The following ZNF268 variants were observed in gnomAD, a reference collection of about 807,000 sequenced individuals.
The protein encoded by ZNF268 is zinc finger protein 3.
A neutral mutation model predicts 29.3 loss-of-function variants in ZNF268; 20 were observed. The observed-to-expected ratio is 0.68, with a 90% CI of 0.48 to 0.99. ZNF268 has a LOEUF of 0.99. Among genes scored for constraint, ZNF268 ranks in the 50% least tolerant of loss-of-function variants. The probability of loss-of-function intolerance (pLI) is 0.00; values close to 1 mark genes in which losing one functional copy is unlikely to be tolerated. For missense variants in ZNF268, 1,240 were observed against 1,121.6 expected, an observed-to-expected ratio of 1.11 and a Z score of -1.51; for synonymous variants, 429 against 376.9, an observed-to-expected ratio of 1.14 and a Z score of -1.60.
chr12:133,210,586 C>T lies in ZNF268; in HGVS notation c.*6056C>T. ...GGAAGCTCTGGTTCTCAGTGTGATG[C>T]ATCCCCCAGGTTGGTCCTGAGATGA... On this transcript the variant is annotated 3_prime_UTR_variant, in exon 6 of 6. Transcript: ENST00000536435. 3.2e-6 allele frequency: 1 copy of T among 308,948 alleles called. No homozygotes were observed. Among genetic ancestry groups the T allele is most frequent in the Non-Finnish European group, 6.5e-6 (1 of 153,546 alleles). 19.1% of individuals were successfully genotyped at this position (308,948 alleles called of 1,614,324 possible). A position where few individuals can be genotyped will look rare whatever the true frequency, so the allele number is the denominator to read the frequency against.
chr12:133,188,140 G>A, intron 3 of ZNF268, 68 bp downstream of exon 3: 2 of 1,385,026 alleles, frequency 1.4e-6, no homozygotes, highest in Non-Finnish European at 2.0e-6. Flanking sequence ...TGCAGAGAGG[G>A]ATGGAGATCC....
chr12:133,201,459 G>C (rs917487535), intron 5 of ZNF268, among the ~76,000 whole-genome samples: 4 of 152,004 alleles, frequency 2.6e-5, no homozygotes, highest in Non-Finnish European at 4.4e-5. Context: ...AAAATGTTTT[G>C]ACTTTATTCC....
intron 2 of ZNF268, among the ~76,000 whole-genome samples, chr12:133,182,391 A>AT (rs77548189): frequency 1.2e-4 from 18 of 151,476 alleles, no homozygotes; most frequent in East Asian, 7.7e-4. Flanking sequence ...CTTGTTCAAC[A>AT]TTTTTTTTTA....
chr12:133,184,137 C>G (rs576372461), intron 2 of ZNF268, among the ~76,000 whole-genome samples: 2 of 151,908 alleles, frequency 1.3e-5, no homozygotes, highest in Non-Finnish European at 2.9e-5. Flanking sequence ...GAGACAGTCT[C>G]TCTCTGTCCC....
intron 2 of ZNF268, among the ~76,000 whole-genome samples, chr12:133,184,016 T>A (rs1956243335): frequency 6.6e-6 from 1 of 152,226 alleles, no homozygotes; most frequent in Non-Finnish European, 1.5e-5. Flanking sequence ...CTGAGGAACT[T>A]ATAACAGATA....
At chr12:133,189,041 G>T (rs1428756492) in intron 3 of ZNF268, among the ~76,000 whole-genome samples, 1 of 151,310 alleles carries the variant, frequency 6.6e-6, no homozygotes, top group Non-Finnish European at 1.5e-5. Flanking sequence ...AGTGCCTTTG[G>T]GATTGAGTTC....
At chr12:133,197,041 TTA>T (rs1266711090) in intron 5 of ZNF268, among the ~76,000 whole-genome samples, 2 of 140,138 alleles carry the variant, frequency 1.4e-5, no homozygotes, top group African/African-American at 5.4e-5. Context: ...TTTTTTTTTT[TTA>T]AATATTATTA....
chr12:133,203,816 C>A lies in ZNF268; in HGVS notation c.2130C>A (p.Tyr710Ter), dbSNP rs149532388. Residue 710 changes from tyrosine to a stop codon, truncating the protein, a stop_gained, in exon 6 of 6, where the codon TAC becomes TAA. Transcript: ENST00000536435. LOFTEE classifies it low-confidence loss of function (END_TRUNC). ...ECGKAFRSKS[Y>*]LIIHMRTHTG... ...GGAAAGCCTTCAGGAGCAAGTCATA[C>A]CTTATTATACATATGAGAACTCATA... 83 of 1,561,846 alleles carry A rather than the reference C, an allele frequency of 5.3e-5. No individual in the cohort carries two copies. The East Asian group carries it at 1.9e-3, about 36-fold the overall frequency.
chr12:133,187,930 A>G lies in ZNF268; in HGVS notation c.92A>G (p.Gln31Arg), dbSNP rs754907569. 2 of 1,601,006 alleles carry G rather than the reference A, an allele frequency of 1.2e-6. No homozygotes were observed. The highest frequency in any genetic ancestry group is 1.7e-6 in the Non-Finnish European group (2 of 1,173,712). Residue 31 changes from glutamine to arginine, a missense_variant, in exon 3 of 6, where the codon CAG becomes CGG. By Grantham distance (43) the Gln-to-Arg change is conservative. This residue lies in a region of ZNF268 where 51 missense variants were observed against 51.4 expected (regional missense o/e 0.99). Transcript: ENST00000536435. Reference sequence around the variant, plus strand: ...GATAGGATCAGAAAGCTCCAAGGTCAGGAATCCATCTTGGGCCAAGGGACT... The same window carrying G: ...GATAGGATCAGAAAGCTCCAAGGTCGGGAATCCATCTTGGGCCAAGGGACT... ...SWDRIRKLQGQESILGQGTPG... is the reference protein window; with the variant it reads ...SWDRIRKLQGRESILGQGTPG...
In ZNF268 at chr12:133,202,283, A is replaced by G. The variant is rs748545348; in HGVS notation, c.597A>G (p.Lys199=). Residue 199 remains lysine (K), a synonymous_variant, in exon 6 of 6, where the codon AAA becomes AAG. Coordinates refer to ENST00000536435, the MANE Select transcript of ZNF268 (RefSeq NM_003415.3). The part of the protein sequence containing the change: ...LLSTKYLSRQ[K]PHKCGTHGKS... ...GTACAAAGTATCTTTCAAGACAAAA[A>G]CCTCATAAATGTGGCACGCATGGAA... The G allele has an allele frequency of 1.2e-6, 2 of 1,612,684 alleles. No homozygotes were observed. The highest frequency in any genetic ancestry group is 4.5e-5 in the East Asian group (2 of 44,850).
chr12:133,191,655 C>T, intron 4 of ZNF268, 40 bp downstream of exon 4: 1 of 1,605,478 alleles, frequency 6.2e-7, no homozygotes, highest in Non-Finnish European at 8.5e-7. Flanking sequence ...GCTCGATCTC[C>T]AGGCTTCTTC....
intron 5 of ZNF268, among the ~76,000 whole-genome samples, chr12:133,192,475 C>T (rs1046096016): frequency 6.6e-6 from 1 of 152,142 alleles, no homozygotes; most frequent in Non-Finnish European, 1.5e-5. Flanking sequence ...TGGTGATAGA[C>T]TCATTTCATT....
At chr12:133,190,377 T>C (rs1043557646) in intron 3 of ZNF268, among the ~76,000 whole-genome samples, 4 of 152,216 alleles carry the variant, frequency 2.6e-5, no homozygotes, top group African/African-American at 9.6e-5. Context: ...GTTGCCAAAC[T>C]GGCTTCCAAA....
intron 3 of ZNF268, among the ~76,000 whole-genome samples, chr12:133,189,557 A>G (rs1420717294): frequency 6.6e-6 from 1 of 152,118 alleles, no homozygotes; most frequent in African/African-American, 2.4e-5. Context: ...GCTGTTATAT[A>G]GGCATATAGC....
chr12:133,207,963 A>G lies in ZNF268; in HGVS notation c.*3433A>G, dbSNP rs1956929020. The G allele has an allele frequency of 6.6e-6, 1 of 152,202 alleles. No homozygotes were observed. The highest frequency in any genetic ancestry group is 2.4e-5 in the African/African-American group (1 of 41,444). The allele number at this position is 152,202 out of a possible 1,614,324, so 9.4% of individuals were successfully genotyped here. A position where few individuals can be genotyped will look rare whatever the true frequency, so the allele number is the denominator to read the frequency against. ...ACACTAAAATACTATTAAGTTGGGA[A>G]TTAAAATTAACTCCTGTAACTTGGT... On this transcript the variant is annotated 3_prime_UTR_variant, in exon 6 of 6. Coordinates refer to ENST00000536435, the MANE Select transcript of ZNF268 (RefSeq NM_003415.3).
intron 1 of ZNF268, 91 bp from the exon 2 acceptor site, chr12:133,181,855 A>T: frequency 3.8e-6 from 3 of 786,030 alleles, no homozygotes; most frequent in Non-Finnish European, 6.4e-6. Context: ...CAGCTCCGAG[A>T]ATGGCAGGCA....
intron 3 of ZNF268, among the ~76,000 whole-genome samples, chr12:133,190,060 G>A (rs548598305): frequency 1.3e-5 from 2 of 152,246 alleles, no homozygotes; most frequent in South Asian, 4.1e-4. Context: ...TGCCCGCCTC[G>A]GCCTCCCAAA....
intron 5 of ZNF268, 30 bp from the exon 6 acceptor site, chr12:133,202,114 T>A: frequency 6.6e-7 from 1 of 1,513,800 alleles, no homozygotes. Flanking sequence ...ATGTGATTTA[T>A]AACATGTGAC....
intron 2 of ZNF268, among the ~76,000 whole-genome samples, chr12:133,183,833 G>A (rs1279356211): frequency 6.6e-6 from 1 of 152,180 alleles, no homozygotes; most frequent in Non-Finnish European, 1.5e-5. Flanking sequence ...GGGAAGAGGT[G>A]TTGAAGACTG....
Sources: allele counts gnomAD v4.1 joint callset (sites outside exome capture counted in the v4.1 genomes callset), GRCh38; gene constraint gnomAD v4.1.1; regional missense constraint gnomAD v4.1.1; transcripts MANE v1.5; gene names NCBI Gene and HGNC (gene_info 2026-07-23, HGNC 2026-07-21).